The following RHOT1 variants were observed in gnomAD, a reference collection of about 807,000 sequenced individuals.
RHOT1 encodes mitochondrial Rho GTPase 1.
Under a neutral mutation model 95.3 loss-of-function variants are expected in RHOT1, and 27 were observed. That is an observed-to-expected ratio of 0.28 (90% CI 0.21 to 0.39). The LOEUF is 0.39. Ranked by LOEUF, RHOT1 falls within the 10% of genes least tolerant of loss-of-function variation. RHOT1 has a pLI of 1.00. For synonymous variants in RHOT1, 227 were observed against 263.5 expected, an observed-to-expected ratio of 0.86 and a Z score of 1.34; for missense variants, 578 against 786.7, an observed-to-expected ratio of 0.73 and a Z score of 3.17.
At chr17:32,203,141 A>G (rs1208533590) in intron 15 of RHOT1, among the ~76,000 whole-genome samples, 1 of 152,122 alleles carries the variant, frequency 6.6e-6, no homozygotes, top group Non-Finnish European at 1.5e-5. Flanking sequence ...ACAGATGTGA[A>G]AGCACCTAAC....
At chr17:32,197,707 C>A (rs1485838105) in intron 11 of RHOT1, among the ~76,000 whole-genome samples, 1 of 152,094 alleles carries the variant, frequency 6.6e-6, no homozygotes. Context: ...GGATTACAGG[C>A]GTGAGCCACC....
At chr17:32,185,196 C>T (rs554259486) in intron 8 of RHOT1, among the ~76,000 whole-genome samples, 102 of 152,028 alleles carry the variant, frequency 6.7e-4, no homozygotes, top group Non-Finnish European at 1.2e-3. Context: ...CCACAACCTC[C>T]GCCTCCCAGG....
At chr17:32,203,718 C>T in intron 15 of RHOT1, 172 bp from the exon 16 acceptor site, 1 of 553,120 alleles carries the variant, frequency 1.8e-6, no homozygotes. Flanking sequence ...TATTTTAGGT[C>T]TTAAGAACTA....
chr17:32,194,340 C>T (rs2036709570), intron 11 of RHOT1, among the ~76,000 whole-genome samples: 1 of 152,180 alleles, frequency 6.6e-6, no homozygotes, highest in Non-Finnish European at 1.5e-5. Context: ...GGGAGGTGGG[C>T]TTCAAGCTAA....
intron 6 of RHOT1, chr17:32,179,222 C>T (rs1489390167): frequency 3.3e-5 from 5 of 149,388 alleles, no homozygotes; most frequent in Non-Finnish European, 7.1e-5. Flanking sequence ...CCTGGCCGCC[C>T]CGTCTGGGAA....
chr17:32,174,977 A>G (rs2034877108), intron 3 of RHOT1, among the ~76,000 whole-genome samples: 1 of 152,164 alleles, frequency 6.6e-6, no homozygotes, highest in African/African-American at 2.4e-5. Flanking sequence ...CTGTGTGTAT[A>G]GACTCTTTGT....
intron 1 of RHOT1, among the ~76,000 whole-genome samples, chr17:32,155,195 G>A (rs925449206): frequency 6.6e-5 from 10 of 152,092 alleles, no homozygotes; most frequent in East Asian, 3.9e-4. Context: ...TCGCTCTGTC[G>A]CCCAGGCTGG....
intron 1 of RHOT1, chr17:32,143,202 C>G: frequency 2.2e-6 from 1 of 445,432 alleles, no homozygotes; most frequent in Non-Finnish European, 4.6e-6. Context: ...AACCGGCTCC[C>G]GGGGAAGCTG....
intron 16 of RHOT1, among the ~76,000 whole-genome samples, chr17:32,204,881 G>A (rs918524354): frequency 2.0e-5 from 3 of 151,756 alleles, no homozygotes; most frequent in Non-Finnish European, 4.4e-5. Context: ...TACTTAGGAG[G>A]CTGAGGCAGG....
At chr17:32,147,429 T>C (rs1259811311) in intron 1 of RHOT1, among the ~76,000 whole-genome samples, 1 of 151,972 alleles carries the variant, frequency 6.6e-6, no homozygotes, top group African/African-American at 2.4e-5. Context: ...AGTTTGAGAT[T>C]GGCCTGGGCA....
At position 32,202,773 on chromosome 17, in the gene RHOT1, CAA is replaced by C. The variant is rs1417200593; in HGVS notation, c.1206_1207del (p.Asp404Ter). 4 of 1,571,036 alleles carry C rather than the reference CAA, an allele frequency of 2.5e-6. No individual in the cohort carries two copies. Among genetic ancestry groups the C allele is most frequent in the Non-Finnish European group, 3.5e-6 (4 of 1,153,652 alleles). ...TTTTTATTATTATTATTTTTAGTGA[CAA>C]GAGATAAAAAGATAGACCTGCAGAA... On this transcript the variant is annotated frameshift_variant, in exon 15 of 20. Coordinates refer to ENST00000545287, the MANE Select transcript of RHOT1 (RefSeq NM_001033566.3). LOFTEE classifies it high-confidence loss of function.
At chr17:32,170,054 C>G (rs531144025) in intron 1 of RHOT1, among the ~76,000 whole-genome samples, 1 of 151,926 alleles carries the variant, frequency 6.6e-6, no homozygotes, top group South Asian at 2.1e-4. Context: ...TCCAATGTTC[C>G]TTGTTAAGAG....
chr17:32,183,078 TC>T lies in RHOT1; in HGVS notation c.439-92del, dbSNP rs969268855. 7 of 1,154,472 alleles carry T rather than the reference TC, an allele frequency of 6.1e-6. No individual in the cohort carries two copies. The African/African-American group carries it at 7.8e-5, about 13-fold the overall frequency. 71.5% of individuals were successfully genotyped at this position (1,154,472 alleles called of 1,614,324 possible). A position where few individuals can be genotyped will look rare whatever the true frequency, so the allele number is the denominator to read the frequency against. ...ACAAAGATGCATTTTTCGTTTTTTTTCAAGGAATCTTTTTTTTGCCTTATGT... is the reference window on the plus strand; with the variant it reads ...ACAAAGATGCATTTTTCGTTTTTTTTAAGGAATCTTTTTTTTGCCTTATGT... On this transcript the variant is annotated intron_variant, in intron 7 of 19. Transcript: ENST00000545287.
At chr17:32,143,050 C>T (rs1326581045) in intron 1 of RHOT1, 1 of 681,180 alleles carries the variant, frequency 1.5e-6, no homozygotes, top group South Asian at 1.5e-5. Context: ...CTTCTCTCCT[C>T]CTTTTCCTCT....
intron 15 of RHOT1, 95 bp downstream of exon 15, chr17:32,202,995 T>A: frequency 8.0e-7 from 1 of 1,245,512 alleles, no homozygotes; most frequent in Non-Finnish European, 1.1e-6. Flanking sequence ...TTTAGATAAT[T>A]ATTAGAACTC....
intron 18 of RHOT1, 142 bp downstream of exon 18, chr17:32,208,451 G>A: frequency 1.3e-6 from 1 of 789,088 alleles, no homozygotes; most frequent in Non-Finnish European, 2.1e-6. Context: ...ACAAATTTGA[G>A]TAAATGCAAG....
chr17:32,193,954 G>A (rs1220043659), intron 10 of RHOT1, 33 bp from the exon 11 acceptor site: 2 of 1,608,566 alleles, frequency 1.2e-6, no homozygotes, highest in African/African-American at 2.7e-5. Flanking sequence ...ATGTGACTCT[G>A]TACACTTTAT....
rs559230558 is a variant in RHOT1 at position 32,180,354 on chromosome 17, AC to A, written c.330-2398del. On this transcript the variant is annotated intron_variant, in intron 6 of 19. Coordinates refer to ENST00000545287, the MANE Select transcript of RHOT1 (RefSeq NM_001033566.3). ...TGGGATGCTGTTAATCTATAACCTT[AC>A]CCCCAACCCTGTGCTCTCTGAAACA... 3.6e-3 allele frequency among the ~76,000 whole-genome samples: 549 copies of A among 152,176 alleles called. 5 individuals carry two copies. Among genetic ancestry groups the A allele is most frequent in the Non-Finnish European group, 6.5e-3 (444 of 68,006 alleles).
intron 1 of RHOT1, among the ~76,000 whole-genome samples, chr17:32,145,073 G>C (rs2031097212): frequency 6.6e-6 from 1 of 152,124 alleles, no homozygotes; most frequent in Non-Finnish European, 1.5e-5. Context: ...AAAGTGGGCA[G>C]ATCACCTGAG....
Sources: allele counts gnomAD v4.1 joint callset (sites outside exome capture counted in the v4.1 genomes callset), GRCh38; gene constraint gnomAD v4.1.1; transcripts MANE v1.5; gene names NCBI Gene and HGNC (gene_info 2026-07-23, HGNC 2026-07-21).